The following RBL1 variants were observed in gnomAD, a reference collection of about 807,000 sequenced individuals.
The protein encoded by RBL1 is retinoblastoma-like protein 1.
In RBL1, 82 loss-of-function variants were observed where a neutral mutation model predicts 123.0. The ratio of observed to expected loss-of-function variants is 0.67; its 90% CI spans 0.56 to 0.80. The LOEUF (loss-of-function observed/expected upper bound fraction) is 0.80, where lower values mean the gene tolerates loss of function less well. Ranked by LOEUF, RBL1 falls within the 30% of genes least tolerant of loss-of-function variation. The pLI is 0.00. For missense variants in RBL1, 1,171 were observed against 1,299.6 expected, an observed-to-expected ratio of 0.90 and a Z score of 1.52; for synonymous variants, 405 against 441.3, an observed-to-expected ratio of 0.92 and a Z score of 1.03.
chr20:37,028,234 G>A (rs1304025074), intron 16 of RBL1, among the ~76,000 whole-genome samples: 2 of 152,030 alleles, frequency 1.3e-5, no homozygotes, highest in Non-Finnish European at 2.9e-5. Context: ...GTGTGGTGGT[G>A]GACACCTATA....
chr20:37,066,905 G>T, intron 5 of RBL1, 21 bp from the exon 6 acceptor site: 11 of 1,605,180 alleles, frequency 6.9e-6, no homozygotes, highest in Non-Finnish European at 9.3e-6. Flanking sequence ...AGTGTAGGAA[G>T]GGCAGAGGGA....
chr20:37,009,724 A>G (rs1343091508), intron 19 of RBL1, among the ~76,000 whole-genome samples: 2 of 152,176 alleles, frequency 1.3e-5, no homozygotes, highest in Non-Finnish European at 2.9e-5. Flanking sequence ...GTGTCTCTAT[A>G]TTTCTGTGTC....
intron 14 of RBL1, among the ~76,000 whole-genome samples, chr20:37,036,961 A>C (rs1039252094): frequency 1.3e-5 from 2 of 152,206 alleles, no homozygotes; most frequent in African/African-American, 4.8e-5. Context: ...AAAAGGTATG[A>C]AAATGACCCC....
chr20:37,031,793 C>T (rs926198771), intron 16 of RBL1, among the ~76,000 whole-genome samples: 1 of 152,020 alleles, frequency 6.6e-6, no homozygotes, highest in Non-Finnish European at 1.5e-5. Flanking sequence ...GGCTGGAGCG[C>T]AGTGGTGTGA....
chr20:37,083,947 C>T (rs1376838693), intron 2 of RBL1, among the ~76,000 whole-genome samples: 1 of 147,730 alleles, frequency 6.8e-6, no homozygotes, highest in Non-Finnish European at 1.5e-5. Context: ...CTTGCTTTAC[C>T]AGCCTGGCTG....
intron 19 of RBL1, among the ~76,000 whole-genome samples, chr20:37,017,110 T>G (rs2064268964): frequency 6.6e-6 from 1 of 151,884 alleles, no homozygotes. Flanking sequence ...CAGTGGCTCA[T>G]GCCTGTAATC....
rs73093204 is a variant in RBL1 at position 37,003,737 on chromosome 20, C to T, written c.3001G>A (p.Ala1001Thr). The T allele has an allele frequency of 4.6e-5, 75 of 1,613,438 alleles. No homozygotes were observed. The highest frequency in any genetic ancestry group is 3.7e-4 in the African/African-American group (28 of 74,928). Residue 1001 changes from alanine to threonine, a missense_variant, in exon 21 of 22, where the codon GCT (alanine) becomes ACT (threonine). By Grantham distance (58) the Ala-to-Thr change is moderately conservative (BLOSUM62 0). Coordinates refer to ENST00000373664, the MANE Select transcript of RBL1 (RefSeq NM_002895.5). ...KNGSGLTPRS[A>T]LLYKFNGSPS... ...CTGCCATTGAACTTGTACAGCAGAG[C>T]GCTTCTTGGTGTAAGGCCTGACCCA... is the stretch of plus-strand genomic sequence containing the variant.
rs2063976810 is a variant in RBL1 at position 37,001,350 on chromosome 20, C to T, written c.3036+2352G>A. 2.0e-5 allele frequency among the ~76,000 whole-genome samples: 3 copies of T among 151,310 alleles called. No individual in the cohort carries two copies. In the South Asian group the frequency reaches 6.3e-4, roughly 32 times the overall value. On this transcript the variant is annotated intron_variant, in intron 21 of 21. Transcript: ENST00000373664. ...AAAGGTGGGGAAAAGATTGAGAAAT[C>T]GGATGGTTGCCATGTCTGTGTAGAA...
chr20:37,061,257 C>T lies in RBL1; in HGVS notation c.1096G>A (p.Ala366Thr). ...CGTCCGGTCAGTGGGGTAGAAGGTG[C>T]AAATGACCTTTTCTGTCAGAAAAGA... ...QQHFEKKRSF[A>T]PSTPLTGRRY... Residue 366 changes from alanine (A) to threonine (T), a missense_variant, in exon 9 of 22, where the codon GCA becomes ACA. Coordinates refer to ENST00000373664, the MANE Select transcript of RBL1 (RefSeq NM_002895.5). 2 of 1,606,280 alleles carry T rather than the reference C, an allele frequency of 1.2e-6. No homozygotes were observed. The highest frequency in any genetic ancestry group is 2.2e-5 in the South Asian group (2 of 89,148).
At chr20:37,079,409 T>C (rs879303288) in intron 2 of RBL1, among the ~76,000 whole-genome samples, 4 of 152,002 alleles carry the variant, frequency 2.6e-5, no homozygotes, top group Admixed American at 2.6e-4. Flanking sequence ...TATAGATACT[T>C]AGTTTTTGAG....
In RBL1 at chr20:37,030,970, T is replaced by C. The variant is rs138530902; in HGVS notation, c.2382+1695A>G. On this transcript the variant is annotated intron_variant, in intron 16 of 21. Transcript: ENST00000373664. ...TCGAGGTGGGAGGATCATCTGAACC[T>C]GGGAGGCGGAGGCTGCAGTGAGCTG... 5.5e-3 allele frequency among the ~76,000 whole-genome samples: 825 copies of C among 151,134 alleles called. 8 individuals are homozygous for C. The highest frequency in any genetic ancestry group is 0.019 in the African/African-American group (781 of 41,152).
intron 16 of RBL1, among the ~76,000 whole-genome samples, chr20:37,032,005 C>A (rs1418482386): frequency 1.3e-5 from 2 of 151,044 alleles, no homozygotes; most frequent in African/African-American, 2.4e-5. Context: ...GCCTCGGCCT[C>A]ATAAAGTGCT....
chr20:37,067,764 C>T (rs1418046181), intron 3 of RBL1, among the ~76,000 whole-genome samples: 2 of 72,224 alleles, frequency 2.8e-5, no homozygotes, highest in Non-Finnish European at 5.3e-5. Context: ...AATGAGACTC[C>T]TCAAAAAAAA....
chr20:37,049,495 A>G lies in RBL1; in HGVS notation c.1468-2305T>C, dbSNP rs2064870561. The stretch of plus-strand genomic sequence containing the variant: ...TGCTAAGAAAAGGAAGAAGTCTTAC[A>G]CCACTCCCAAGAAGAGTAAGCACAA... On this transcript the variant is annotated intron_variant, in intron 11 of 21. Coordinates refer to ENST00000373664, the MANE Select transcript of RBL1 (RefSeq NM_002895.5). 9.3e-6 allele frequency: 7 copies of G among 755,564 alleles called. No homozygotes were observed. In the East Asian group the frequency reaches 1.5e-4, roughly 16 times the overall value. 46.8% of individuals were successfully genotyped at this position (755,564 alleles called of 1,614,324 possible). A position where few individuals can be genotyped will look rare whatever the true frequency, so the allele number is the denominator to read the frequency against.
chr20:37,017,063 T>C (rs187607402), intron 19 of RBL1, among the ~76,000 whole-genome samples: 1 of 151,966 alleles, frequency 6.6e-6, no homozygotes, highest in African/African-American at 2.4e-5. Flanking sequence ...TGTCTCACAC[T>C]GTGGCATTAA....
At chr20:37,095,336 GGCTCC>G (rs984631127) in intron 1 of RBL1, among the ~76,000 whole-genome samples, 1 of 152,154 alleles carries the variant, frequency 6.6e-6, no homozygotes, top group Non-Finnish European at 1.5e-5. Flanking sequence ...ACCCGTCTAG[GGCTCC>G]GCTTCCTCTT....
Position 36,998,896 on chromosome 20 carries a change from C to T in RBL1, c.3070G>A (p.Gly1024Ser). The T allele has an allele frequency of 6.2e-7, 1 of 1,613,550 alleles. No homozygotes were observed. Among genetic ancestry groups the T allele is most frequent in the Non-Finnish European group, 8.5e-7 (1 of 1,179,780 alleles). Residue 1024 changes from glycine (G) to serine (S), a missense_variant, in exon 22 of 22, where the codon GGT becomes AGT. Transcript: ENST00000373664. Reference protein sequence around the residue: ...LKDINNMIRQGEQRTKKRVIA... With the variant: ...LKDINNMIRQSEQRTKKRVIA... ...ACTCGCTTCTTGGTTCTCTGCTCAC[C>T]TTGCCTTATCATGTTGTTGATATCT...
chr20:37,011,433 ATTTT>A, intron 19 of RBL1, among the ~76,000 whole-genome samples: 1 of 135,750 alleles, frequency 7.4e-6, no homozygotes, highest in South Asian at 2.3e-4. Context: ...CAAGGTCAGA[ATTTT>A]TTTTTTTTTT....
intron 13 of RBL1, among the ~76,000 whole-genome samples, chr20:37,042,462 A>C (rs1168127611): frequency 6.6e-6 from 1 of 152,208 alleles, no homozygotes; most frequent in Admixed American, 6.5e-5. Flanking sequence ...TGGTGCAGCC[A>C]TTTTAGAAAG....
Sources: allele counts gnomAD v4.1 joint callset (sites outside exome capture counted in the v4.1 genomes callset), GRCh38; gene constraint gnomAD v4.1.1; transcripts MANE v1.5; gene names NCBI Gene and HGNC (gene_info 2026-07-23, HGNC 2026-07-21).